CNTNAP2: variants seen among roughly 807,000 people sequenced by gnomAD.
CNTNAP2 encodes contactin-associated protein-like 2.
Under a neutral mutation model 155.2 loss-of-function variants are expected in CNTNAP2, and 98 were observed. The observed-to-expected ratio is 0.63, with a 90% CI of 0.54 to 0.75. The LOEUF is 0.75. Among genes scored for constraint, CNTNAP2 ranks in the 30% least tolerant of loss-of-function variants. CNTNAP2 has a pLI of 0.00. For synonymous variants in CNTNAP2, 651 were observed against 631.2 expected (o/e 1.03, Z -0.47); for missense variants, 1,727 against 1,688.1 (o/e 1.02, Z -0.40).
chr7:147,445,454 T>C (rs1347046035), intron 10 of CNTNAP2, among the ~76,000 whole-genome samples: 1 of 152,180 alleles, frequency 6.6e-6, no homozygotes, highest in Non-Finnish European at 1.5e-5. Context: ...TTTCACATGG[T>C]ATTTTATGTG....
intron 22 of CNTNAP2, among the ~76,000 whole-genome samples, chr7:148,399,919 C>T (rs937461269): frequency 5.3e-5 from 8 of 152,118 alleles, no homozygotes; most frequent in Non-Finnish European, 1.0e-4. Context: ...CACCAATGGT[C>T]TACATTAAAT....
chr7:146,608,288 C>T lies in CNTNAP2; in HGVS notation c.98-165983C>T, dbSNP rs146262386. On this transcript the variant is annotated intron_variant, in intron 1 of 23. Transcript: ENST00000361727. ...TTTAAGGCCAAGGCACATGCTTATA[C>T]ATTTCTTTGTTTAAGACAGATCTGG... 2.6e-5 allele frequency among the ~76,000 whole-genome samples: 4 copies of T among 152,262 alleles called. No homozygotes were observed. In the East Asian group the frequency reaches 7.7e-4, roughly 29 times the overall value.
chr7:148,409,274 G>A (rs1799771649), intron 22 of CNTNAP2, 117 bp from the exon 23 acceptor site: 6 of 815,252 alleles, frequency 7.4e-6, no homozygotes, highest in Non-Finnish European at 1.0e-5. Context: ...ATCTGAAATG[G>A]AGATTTCATT....
At chr7:147,965,386 T>G (rs1801190840) in intron 14 of CNTNAP2, among the ~76,000 whole-genome samples, 1 of 151,896 alleles carries the variant, frequency 6.6e-6, no homozygotes, top group East Asian at 1.9e-4. Context: ...TCTGCCCTAT[T>G]GCTTCTTCCA....
At chr7:147,066,254 A>C (rs777450466) in intron 4 of CNTNAP2, among the ~76,000 whole-genome samples, 9 of 148,858 alleles carry the variant, frequency 6.0e-5, no homozygotes, top group Non-Finnish European at 1.2e-4. Context: ...GATCGTCGTC[A>C]GTTCTAAGGT....
At chr7:147,491,266 C>G (rs1798604676) in intron 11 of CNTNAP2, among the ~76,000 whole-genome samples, 2 of 152,080 alleles carry the variant, frequency 1.3e-5, no homozygotes, top group Non-Finnish European at 2.9e-5. Context: ...GGCCTCCTTT[C>G]AGTTTTTGAT....
intron 4 of CNTNAP2, among the ~76,000 whole-genome samples, chr7:147,090,729 A>G (rs1450903437): frequency 1.3e-5 from 2 of 152,100 alleles, no homozygotes; most frequent in Non-Finnish European, 2.9e-5. Flanking sequence ...AAAATTAACA[A>G]TATTGACAAT....
At chr7:148,021,191 T>TTTTG (rs71527869) in intron 15 of CNTNAP2, among the ~76,000 whole-genome samples, 67,518 of 151,628 alleles carry the variant, frequency 0.45, 17,177 homozygotes, top group African/African-American at 0.72. Context: ...AGGTTTTTTG[T>TTTTG]TTTTGTTTTG....
intron 12 of CNTNAP2, among the ~76,000 whole-genome samples, chr7:147,628,680 G>A (rs796666347): frequency 5.3e-5 from 8 of 152,154 alleles, no homozygotes; most frequent in African/African-American, 1.9e-4. Context: ...GATATAGAAT[G>A]GCAGAATGGA....
chr7:147,080,520 C>T (rs189158367), intron 4 of CNTNAP2, among the ~76,000 whole-genome samples: 1 of 151,640 alleles, frequency 6.6e-6, no homozygotes, highest in Admixed American at 6.6e-5. Context: ...TTCATGTAGT[C>T]AACAAATGCA....
intron 1 of CNTNAP2, among the ~76,000 whole-genome samples, chr7:146,304,730 A>G (rs1419000174): frequency 6.6e-6 from 1 of 152,016 alleles, no homozygotes; most frequent in Non-Finnish European, 1.5e-5. Flanking sequence ...AACTTTGGTG[A>G]ATCTGACAAT....
intron 9 of CNTNAP2, among the ~76,000 whole-genome samples, chr7:147,380,070 T>A (rs940039118): frequency 1.2e-4 from 18 of 152,122 alleles, no homozygotes; most frequent in Admixed American, 1.0e-3. Context: ...GGAAATGTAA[T>A]CCTTAGAGAT....
chr7:146,551,878 G>A (rs1798127898), intron 1 of CNTNAP2, among the ~76,000 whole-genome samples: 1 of 151,884 alleles, frequency 6.6e-6, no homozygotes, highest in Non-Finnish European at 1.5e-5. Flanking sequence ...CAGAGAACGA[G>A]ACTGCATTGA....
chr7:147,113,898 G>T (rs892518704), intron 5 of CNTNAP2, among the ~76,000 whole-genome samples: 5 of 152,116 alleles, frequency 3.3e-5, no homozygotes, highest in Non-Finnish European at 7.3e-5. Flanking sequence ...TCTTTTAGTT[G>T]TGATGCTAGG....
chr7:146,847,089 G>T (rs1412233702), intron 3 of CNTNAP2, among the ~76,000 whole-genome samples: 1 of 142,942 alleles, frequency 7.0e-6, no homozygotes, highest in Non-Finnish European at 1.5e-5. Flanking sequence ...GTTGGATTTA[G>T]GTTACCTGAG....
At chr7:147,472,777 A>C (rs1798248020) in intron 10 of CNTNAP2, among the ~76,000 whole-genome samples, 1 of 152,212 alleles carries the variant, frequency 6.6e-6, no homozygotes, top group Non-Finnish European at 1.5e-5. Flanking sequence ...TTCTGGTTTC[A>C]TGGTGCCATG....
chr7:146,224,445 A>C (rs1188445255), intron 1 of CNTNAP2, among the ~76,000 whole-genome samples: 5 of 149,950 alleles, frequency 3.3e-5, no homozygotes, highest in African/African-American at 7.3e-5. Flanking sequence ...AAAAAAAAAA[A>C]CCCAAAAAAC....
intron 21 of CNTNAP2, among the ~76,000 whole-genome samples, chr7:148,292,664 A>C (rs1454433704): frequency 6.6e-6 from 1 of 152,154 alleles, no homozygotes; most frequent in Non-Finnish European, 1.5e-5. Context: ...GAGACTCTTC[A>C]CTGGGGAGGT....
At chr7:147,278,764 TC>T (rs1804961902) in intron 8 of CNTNAP2, among the ~76,000 whole-genome samples, 1 of 151,506 alleles carries the variant, frequency 6.6e-6, no homozygotes, top group Non-Finnish European at 1.5e-5. Context: ...CTATCATTAA[TC>T]CCTTATAATT....
Sources: gnomAD v4.1 joint callset for allele counts (sites outside exome capture counted in the v4.1 genomes callset) on GRCh38, gnomAD v4.1.1 for gene constraint, MANE v1.5 for transcripts, NCBI Gene and HGNC (gene_info 2026-07-23, HGNC 2026-07-21) for gene names.